The following SCN3A variants were observed in gnomAD, a reference collection of about 807,000 sequenced individuals.
The protein encoded by SCN3A is sodium channel protein type 3 subunit alpha.
SCN3A carries 60 observed loss-of-function variants against 187.6 expected under a neutral mutation model. The ratio of observed to expected loss-of-function variants is 0.32; its 90% CI spans 0.26 to 0.40. SCN3A has a LOEUF of 0.40. Ranked by LOEUF, SCN3A falls within the 10% of genes least tolerant of loss-of-function variation. The pLI is 1.00. For synonymous variants in SCN3A, 788 were observed against 829.2 expected (o/e 0.95, Z 0.85); for missense variants, 1,601 against 2,428.2 (o/e 0.66, Z 7.16).
At chr2:165,093,779 G>C (rs73969175) in intron 26 of SCN3A, 1 of 152,420 alleles carries the variant, frequency 6.6e-6, no homozygotes, top group Non-Finnish European at 1.5e-5. Context: ...GGCATGATTC[G>C]TATGTTCTTT....
chr2:165,163,961 G>T (rs1337620351), intron 6 of SCN3A: 6 of 1,401,962 alleles, frequency 4.3e-6, no homozygotes, highest in Non-Finnish European at 5.0e-6. Context: ...CTTAATGCTG[G>T]GTTTGGCACA....
intron 1 of SCN3A, among the ~76,000 whole-genome samples, chr2:165,201,592 C>T (rs2106001672): frequency 6.6e-6 from 1 of 152,026 alleles, no homozygotes; most frequent in East Asian, 1.9e-4. Context: ...ATTATTATTC[C>T]TATTTTAAAG....
chr2:165,161,600 T>G (rs952249578), intron 9 of SCN3A, among the ~76,000 whole-genome samples: 1 of 152,214 alleles, frequency 6.6e-6, no homozygotes, highest in Non-Finnish European at 1.5e-5. Context: ...TTCCGTGTCC[T>G]AAGAGTCACT....
Position 165,139,504 on chromosome 2 carries a change from T to C in SCN3A, c.2124A>G (p.Ile708Met). The C allele has an allele frequency of 1.2e-6, 2 of 1,613,990 alleles. No homozygotes were observed. Among genetic ancestry groups the C allele is most frequent in the Middle Eastern group, 3.3e-4 (2 of 6,060 alleles). ...CCATTGTGTTGGTCAGAATGCTGGC[T>C]ATGCTCACGGCTCTTTGCCTTCCAG... is the stretch of plus-strand genomic sequence containing the variant. ...DSSGRQRAVS[I>M]ASILTNTMEE... The change falls in exon 14 of 28, where the codon ATA (isoleucine) becomes ATG (methionine). Residue 708 changes from isoleucine (I) to methionine (M), a missense_variant. Transcript: ENST00000283254.
intron 15 of SCN3A, among the ~76,000 whole-genome samples, chr2:165,135,373 G>A (rs1559216193): frequency 6.6e-6 from 1 of 152,060 alleles, no homozygotes; most frequent in Non-Finnish European, 1.5e-5. Context: ...AATGCAAAAT[G>A]GGGCATATTG....
In SCN3A at chr2:165,097,510, A is replaced by G; in HGVS notation, c.3981T>C (p.Ala1327=). ...RFEGMRVVVN[A]LVGAIPSIMN... is the part of the protein sequence containing the mutation. ...TGATAGAGGGAATTGCTCCAACAAG[A>G]GCATTCACAACCACCTAGAAGAGAC... is the stretch of plus-strand genomic sequence containing the variant. Residue 1327 remains alanine, a synonymous_variant, in exon 23 of 28, where the codon GCT becomes GCC. Transcript: ENST00000283254. 1 of 1,613,938 alleles carries G rather than the reference A, an allele frequency of 6.2e-7. No homozygotes were observed. The highest frequency in any genetic ancestry group is 8.5e-7 in the Non-Finnish European group (1 of 1,179,994).
intron 15 of SCN3A, among the ~76,000 whole-genome samples, chr2:165,132,882 T>C (rs1243913262): frequency 6.6e-6 from 1 of 152,130 alleles, no homozygotes; most frequent in Non-Finnish European, 1.5e-5. Flanking sequence ...AACCTACTCA[T>C]CTGACAAAGG....
intron 2 of SCN3A, among the ~76,000 whole-genome samples, chr2:165,180,053 C>T (rs6711595): frequency 0.24 from 36,897 of 151,632 alleles, 5,509 homozygotes; most frequent in East Asian, 0.52. Context: ...AAAAAAGATA[C>T]GAAAAAAATC....
At chr2:165,117,601 A>G (rs1446075832) in intron 18 of SCN3A, among the ~76,000 whole-genome samples, 2 of 152,128 alleles carry the variant, frequency 1.3e-5, no homozygotes, top group Non-Finnish European at 2.9e-5. Flanking sequence ...AGTTGAGTTC[A>G]TGAAGAGTGA....
At chr2:165,134,526 T>C (rs2105789253) in intron 15 of SCN3A, among the ~76,000 whole-genome samples, 1 of 152,164 alleles carries the variant, frequency 6.6e-6, no homozygotes, top group Admixed American at 6.5e-5. Flanking sequence ...GAAATACCCA[T>C]CACAGAAAAA....
chr2:165,133,865 G>A (rs756675325), intron 15 of SCN3A, among the ~76,000 whole-genome samples: 3 of 151,974 alleles, frequency 2.0e-5, no homozygotes, highest in East Asian at 1.9e-4. Flanking sequence ...GGGTAGTATC[G>A]CATCAGGAAC....
rs1688901454 is a variant in SCN3A at position 165,154,563 on chromosome 2, C to T, written c.1269G>A (p.Val423=). 1.4e-5 allele frequency: 23 copies of T among 1,614,084 alleles called. No homozygotes were observed. Among genetic ancestry groups the T allele is most frequent in the Non-Finnish European group, 1.9e-5 (23 of 1,180,014 alleles). Residue 423 remains valine, a synonymous_variant, in exon 11 of 28, where the codon GTG becomes GTA. Coordinates refer to ENST00000283254, the MANE Select transcript of SCN3A (RefSeq NM_006922.4). ...GATTCTGCTCCTCATAGGCCATGGC[C>T]ACCACAGCCAGGATCAAATTCACCA... The part of the protein sequence containing the change: ...FYLVNLILAV[V]AMAYEEQNQA...
intron 18 of SCN3A, among the ~76,000 whole-genome samples, chr2:165,119,013 C>T (rs1042019176): frequency 1.3e-5 from 2 of 152,126 alleles, no homozygotes; most frequent in Non-Finnish European, 2.9e-5. Flanking sequence ...CAGCCTGCCT[C>T]GGCCTCCCAA....
chr2:165,180,183 G>A (rs973497748), intron 2 of SCN3A, among the ~76,000 whole-genome samples: 1 of 152,018 alleles, frequency 6.6e-6, no homozygotes, highest in Non-Finnish European at 1.5e-5. Context: ...TCATATTTGA[G>A]GAATAAACTG....
chr2:165,151,091 T>C (rs550855797), intron 11 of SCN3A, among the ~76,000 whole-genome samples: 1 of 152,188 alleles, frequency 6.6e-6, no homozygotes, highest in Non-Finnish European at 1.5e-5. Flanking sequence ...ATCAATAAGG[T>C]ATATCCACAT....
At chr2:165,181,971 TGA>T (rs1174520118) in intron 2 of SCN3A, among the ~76,000 whole-genome samples, 1 of 152,218 alleles carries the variant, frequency 6.6e-6, no homozygotes, top group Non-Finnish European at 1.5e-5. Flanking sequence ...TTTTTCTTAC[TGA>T]GAGTGTGCAG....
chr2:165,164,429 G>C lies in SCN3A; in HGVS notation c.565C>G (p.Pro189Ala). ...ACACTGAAATCCAGCCAGTTCCATG[G>C]ATCACGAAGAAACGTAAAATCTTCT... Reference protein sequence around the residue: ...CLEDFTFLRDPWNWLDFSVIV... With the variant: ...CLEDFTFLRDAWNWLDFSVIV... The change falls in exon 6 of 28, where the codon CCA becomes GCA. Residue 189 changes from proline to alanine, a missense_variant. Pro to Ala is a conservative substitution (Grantham distance 27). Coordinates refer to ENST00000283254, the MANE Select transcript of SCN3A (RefSeq NM_006922.4). The C allele has an allele frequency of 6.2e-7, 1 of 1,613,730 alleles. No individual in the cohort carries two copies. Among genetic ancestry groups the C allele is most frequent in the South Asian group, 1.1e-5 (1 of 91,064 alleles).
chr2:165,100,232 C>T, intron 22 of SCN3A, 70 bp downstream of exon 22: 1 of 1,518,714 alleles, frequency 6.6e-7, no homozygotes, highest in Non-Finnish European at 9.1e-7. Flanking sequence ...GAGTATGGCA[C>T]CCTTTTCTAT....
chr2:165,136,492 A>T (rs147728833), intron 15 of SCN3A, among the ~76,000 whole-genome samples: 1 of 152,292 alleles, frequency 6.6e-6, no homozygotes, highest in Non-Finnish European at 1.5e-5. Flanking sequence ...CTCTGCACGA[A>T]GGGTATTATT....
Sources: allele counts gnomAD v4.1 joint callset (sites outside exome capture counted in the v4.1 genomes callset), GRCh38; gene constraint gnomAD v4.1.1; transcripts MANE v1.5; gene names NCBI Gene and HGNC (gene_info 2026-07-23, HGNC 2026-07-21).